Variants in PHACTR1 observed in about 807,000 individuals in gnomAD.
PHACTR1 encodes the protein RPEL repeat containing 1.
Under a neutral mutation model 69.2 loss-of-function variants are expected in PHACTR1, and 16 were observed. The observed-to-expected ratio is 0.23, with a 90% CI of 0.16 to 0.35. The LOEUF (loss-of-function observed/expected upper bound fraction) is 0.35, where lower values mean the gene tolerates loss of function less well. PHACTR1 is among the 10% of genes least tolerant of loss of function. The pLI, the probability that PHACTR1 is intolerant of heterozygous loss-of-function variation, is 1.00. For missense variants in PHACTR1, 510 were observed against 734.7 expected, an observed-to-expected ratio of 0.69 and a Z score of 3.54; for synonymous variants, 312 against 284.5, an observed-to-expected ratio of 1.10 and a Z score of -0.97.
At chr6:13,020,406 A>C (rs1237719121) in intron 4 of PHACTR1, among the ~76,000 whole-genome samples, 1 of 152,268 alleles carries the variant, frequency 6.6e-6, no homozygotes, top group Non-Finnish European at 1.5e-5. Flanking sequence ...AGAGAGGTAA[A>C]GAATGAGTTC....
At chr6:13,266,547 G>A (rs1267682887) in intron 10 of PHACTR1, 1 of 152,468 alleles carries the variant, frequency 6.6e-6, no homozygotes, top group African/African-American at 2.4e-5. Context: ...AGTTTATAAC[G>A]AAAAGAGGTT....
At chr6:13,103,898 A>G (rs1435543152) in intron 5 of PHACTR1, among the ~76,000 whole-genome samples, 2 of 152,236 alleles carry the variant, frequency 1.3e-5, no homozygotes, top group East Asian at 3.9e-4. Flanking sequence ...AGCCTGGCCA[A>G]CATGGCGAAA....
At chr6:13,041,604 G>A (rs1033688440) in intron 4 of PHACTR1, among the ~76,000 whole-genome samples, 5 of 152,096 alleles carry the variant, frequency 3.3e-5, no homozygotes, top group African/African-American at 1.2e-4. Flanking sequence ...ATTCTCAAAT[G>A]GAATGTAAAG....
At chr6:13,017,446 C>T (rs1017263295) in intron 4 of PHACTR1, among the ~76,000 whole-genome samples, 1 of 152,002 alleles carries the variant, frequency 6.6e-6, no homozygotes, top group Non-Finnish European at 1.5e-5. Context: ...TTTTTTCCCT[C>T]CTTACCTACT....
At position 13,030,529 on chromosome 6, in the gene PHACTR1, C is replaced by T. The variant is rs950750067; in HGVS notation, c.251-22836C>T. On this transcript the variant is annotated intron_variant, in intron 4 of 14. Transcript: ENST00000332995. ...TGTACATAAACGGTTTAGTTTTTCACGTTTGGAATCAATTAATTGCTTGGC... is the reference window on the plus strand; with the variant it reads ...TGTACATAAACGGTTTAGTTTTTCATGTTTGGAATCAATTAATTGCTTGGC... 2.6e-4 allele frequency among the ~76,000 whole-genome samples: 40 copies of T among 152,288 alleles called. 1 individual carries two copies. The highest frequency in any genetic ancestry group is 2.3e-3 in the Admixed American group (35 of 15,306).
chr6:13,029,686 TTGTC>T (rs1420860657), intron 4 of PHACTR1, among the ~76,000 whole-genome samples: 3 of 152,206 alleles, frequency 2.0e-5, no homozygotes, highest in African/African-American at 7.2e-5. Flanking sequence ...TTGGCAAACT[TTGTC>T]TGTAAAGGGT....
At chr6:12,896,058 G>A (rs917850907) in intron 4 of PHACTR1, among the ~76,000 whole-genome samples, 28 of 152,228 alleles carry the variant, frequency 1.8e-4, no homozygotes, top group African/African-American at 6.3e-4. Flanking sequence ...GCATGCTAAT[G>A]CTGACTGGAA....
intron 7 of PHACTR1, among the ~76,000 whole-genome samples, chr6:13,201,749 T>C (rs767752408): frequency 7.9e-5 from 12 of 152,304 alleles, no homozygotes; most frequent in South Asian, 2.1e-4. Context: ...CCTCTAGTTA[T>C]GTTATGGGGA....
chr6:12,883,364 G>A lies in PHACTR1; in HGVS notation c.250+133574G>A, dbSNP rs1471749792. 2.6e-5 allele frequency among the ~76,000 whole-genome samples: 4 copies of A among 152,008 alleles called. No individual in the cohort carries two copies. In the East Asian group the frequency reaches 5.8e-4, roughly 22 times the overall value. ...CAAGTACCTAGGATTATAGGTGCCC[G>A]CCACCACGCCCAGCTAATTTTTGTA... On this transcript the variant is annotated intron_variant, in intron 4 of 14. Coordinates refer to ENST00000332995, the MANE Select transcript of PHACTR1 (RefSeq NM_030948.6).
intron 4 of PHACTR1, among the ~76,000 whole-genome samples, chr6:12,901,233 C>A (rs1364652204): frequency 6.6e-6 from 1 of 152,192 alleles, no homozygotes; most frequent in Non-Finnish European, 1.5e-5. Flanking sequence ...GCAACAGTAT[C>A]TACACACCGG....
At chr6:12,941,027 A>G (rs74721298) in intron 4 of PHACTR1, among the ~76,000 whole-genome samples, 2,583 of 152,316 alleles carry the variant, frequency 0.017, 75 homozygotes, top group African/African-American at 0.059. Context: ...CAGAGTAAGC[A>G]TATGATTTTC....
At chr6:12,835,025 C>G (rs1489987585) in intron 4 of PHACTR1, among the ~76,000 whole-genome samples, 1 of 152,100 alleles carries the variant, frequency 6.6e-6, no homozygotes, top group Non-Finnish European at 1.5e-5. Context: ...AAAAAGGGAG[C>G]AATGAGCTTA....
chr6:12,980,691 C>T (rs1795418638), intron 4 of PHACTR1, among the ~76,000 whole-genome samples: 1 of 152,090 alleles, frequency 6.6e-6, no homozygotes, highest in African/African-American at 2.4e-5. Flanking sequence ...CTATTTGAGA[C>T]CCCCATGTCC....
At chr6:12,881,059 G>T (rs538462636) in intron 4 of PHACTR1, among the ~76,000 whole-genome samples, 28 of 152,226 alleles carry the variant, frequency 1.8e-4, no homozygotes, top group African/African-American at 6.3e-4. Flanking sequence ...CTGGGCGAAG[G>T]TGTGTAAAGT....
At chr6:12,932,503 A>G (rs377298888) in intron 4 of PHACTR1, among the ~76,000 whole-genome samples, 2 of 152,232 alleles carry the variant, frequency 1.3e-5, no homozygotes, top group East Asian at 3.8e-4. Flanking sequence ...TATTTATAAT[A>G]TAAGTCTACT....
At chr6:13,232,403 C>T (rs1049148008) in intron 10 of PHACTR1, among the ~76,000 whole-genome samples, 2 of 152,152 alleles carry the variant, frequency 1.3e-5, no homozygotes, top group East Asian at 1.9e-4. Flanking sequence ...GATGATTGGA[C>T]GTAGTGTTAT....
At chr6:13,239,570 C>T (rs1197142468) in intron 10 of PHACTR1, among the ~76,000 whole-genome samples, 1 of 152,134 alleles carries the variant, frequency 6.6e-6, no homozygotes, top group Non-Finnish European at 1.5e-5. Context: ...AAGACTTGAG[C>T]AAGACGCATT....
intron 11 of PHACTR1, 42 bp from the exon 12 acceptor site, chr6:13,278,226 C>G (rs1417775802): frequency 6.5e-7 from 1 of 1,542,534 alleles, no homozygotes; most frequent in Non-Finnish European, 8.8e-7. Flanking sequence ...GTACACAACA[C>G]TGTTTACTGA....
At chr6:13,014,349 A>G (rs1799862969) in intron 4 of PHACTR1, among the ~76,000 whole-genome samples, 1 of 152,170 alleles carries the variant, frequency 6.6e-6, no homozygotes, top group Admixed American at 6.5e-5. Flanking sequence ...TGCACATCCC[A>G]TTGACGTATA....
Sources: allele counts gnomAD v4.1 joint callset (sites outside exome capture counted in the v4.1 genomes callset), GRCh38; gene constraint gnomAD v4.1.1; transcripts MANE v1.5; gene names NCBI Gene and HGNC (gene_info 2026-07-23, HGNC 2026-07-21).